Variants in STK3 observed in about 807,000 individuals in gnomAD.
The protein encoded by STK3 is serine/threonine kinase 3.
In STK3, 41 loss-of-function variants were observed where a neutral mutation model predicts 58.0. The observed-to-expected ratio is 0.71, with a 90% CI of 0.55 to 0.92. The LOEUF is 0.92. Among genes scored for constraint, STK3 ranks in the 40% least tolerant of loss-of-function variants. The pLI, the probability that STK3 is intolerant of heterozygous loss-of-function variation, is 0.00. For missense variants in STK3, 479 were observed against 602.7 expected (o/e 0.79, Z 2.15); for synonymous variants, 170 against 191.0 (o/e 0.89, Z 0.91).
chr8:98,794,720 C>A (rs1259257094), intron 1 of STK3, among the ~76,000 whole-genome samples: 2 of 152,016 alleles, frequency 1.3e-5, no homozygotes, highest in Non-Finnish European at 2.9e-5. Flanking sequence ...AAAAAGAAAA[C>A]TACAAACCAA....
chr8:98,594,445 C>T (rs1173477108), intron 7 of STK3, among the ~76,000 whole-genome samples: 1 of 151,718 alleles, frequency 6.6e-6, no homozygotes, highest in Non-Finnish European at 1.5e-5. Flanking sequence ...ACTAATAATA[C>T]AAAAATTAGC....
At chr8:98,384,568 A>G (rs1375177867) in intron 1 of STK3, among the ~76,000 whole-genome samples, 2 of 152,142 alleles carry the variant, frequency 1.3e-5, no homozygotes, top group African/African-American at 2.4e-5. Flanking sequence ...TACCTCCTAC[A>G]TGGGGAAGTT....
intron 3 of STK3, chr8:98,426,992 C>T (rs1408847134): frequency 6.7e-6 from 1 of 150,150 alleles, no homozygotes; most frequent in South Asian, 2.1e-4. Flanking sequence ...GCGGGCGCCC[C>T]GTCACACCCG....
intron 1 of STK3, among the ~76,000 whole-genome samples, chr8:98,445,469 A>G (rs1818899422): frequency 6.6e-6 from 1 of 152,212 alleles, no homozygotes; most frequent in Non-Finnish European, 1.5e-5. Context: ...ATTTCAACAC[A>G]TAATAAATAT....
chr8:98,905,768 G>T (rs1036300505), intron 1 of STK3: 1 of 441,100 alleles, frequency 2.3e-6, no homozygotes, highest in African/African-American at 2.0e-5. Flanking sequence ...AACTTCAGCC[G>T]AATTAAATTT....
chr8:98,469,095 G>A (rs1333747840), intron 10 of STK3, among the ~76,000 whole-genome samples: 1 of 148,310 alleles, frequency 6.7e-6, no homozygotes, highest in Non-Finnish European at 1.5e-5. Flanking sequence ...GTGACAGAGT[G>A]AGACTCCATC....
intron 10 of STK3, among the ~76,000 whole-genome samples, chr8:98,457,839 T>C (rs1241936154): frequency 1.3e-5 from 2 of 152,214 alleles, no homozygotes; most frequent in Non-Finnish European, 2.9e-5. Flanking sequence ...GTACTACTTT[T>C]ACTGGGGCAA....
intron 9 of STK3, among the ~76,000 whole-genome samples, chr8:98,543,937 C>T (rs553552046): frequency 3.9e-5 from 6 of 152,082 alleles, no homozygotes; most frequent in African/African-American, 1.4e-4. Context: ...CCAGGAGAGG[C>T]AGAAAAGACA....
intron 4 of STK3, among the ~76,000 whole-genome samples, chr8:98,714,556 C>A (rs563032204): frequency 6.6e-5 from 10 of 152,210 alleles, no homozygotes; most frequent in African/African-American, 2.4e-4. Flanking sequence ...AATAAAATGC[C>A]TAGGAATCCA....
chr8:98,596,242 T>C (rs1815817764), intron 6 of STK3, 73 bp from the exon 7 acceptor site: 5 of 1,475,652 alleles, frequency 3.4e-6, no homozygotes, highest in Non-Finnish European at 4.6e-6. Flanking sequence ...TCTCTTTATC[T>C]GTCTTTTTAT....
intron 1 of STK3, among the ~76,000 whole-genome samples, chr8:98,447,987 A>AATAATAATAAT (rs1438019056): frequency 1.5e-5 from 2 of 131,800 alleles, no homozygotes; most frequent in Non-Finnish European, 3.3e-5. Flanking sequence ...ATAATAATAA[A>AATAATAATAAT]GCAATATAAA....
intron 6 of STK3, among the ~76,000 whole-genome samples, chr8:98,680,981 C>CTTTTTTTTTTTTTTTTTTTTTTTT (rs371666746): frequency 8.0e-6 from 1 of 124,764 alleles, no homozygotes; most frequent in Non-Finnish European, 1.7e-5. Flanking sequence ...CCCCACCTTT[C>CTTTTTTTTTTTTTTTTTTTTTTTT]TTTTTTTTTT....
intron 6 of STK3, among the ~76,000 whole-genome samples, chr8:98,699,394 A>C (rs9772933): frequency 1.4e-5 from 2 of 146,032 alleles, no homozygotes; most frequent in Non-Finnish European, 1.5e-5. Flanking sequence ...GCTTTGTTCC[A>C]TTGCTGGTGA....
At chr8:98,453,080 G>GTTTTTTTTTTTT (rs919288019), downstream of STK3, among the ~76,000 whole-genome samples, 62 of 39,674 alleles carry the variant, frequency 1.6e-3, no homozygotes, top group South Asian at 2.8e-3. Context: ...TTTCTTTCTT[G>GTTTTTTTTTTTT]TTTTTTTTTT....
chr8:98,847,098 G>A (rs778545912), intron 3 of STK3, among the ~76,000 whole-genome samples: 1 of 152,118 alleles, frequency 6.6e-6, no homozygotes, highest in Non-Finnish European at 1.5e-5. Flanking sequence ...GCACAGTGGC[G>A]AGTACCTGTA....
At chr8:98,587,890 A>C (rs556137678) in intron 7 of STK3, among the ~76,000 whole-genome samples, 10 of 151,918 alleles carry the variant, frequency 6.6e-5, no homozygotes, top group South Asian at 2.1e-4. Flanking sequence ...GTTGGTTTAA[A>C]GTCTGTTTTA....
At chr8:98,746,443 C>G (rs1829647193) in intron 4 of STK3, among the ~76,000 whole-genome samples, 1 of 151,994 alleles carries the variant, frequency 6.6e-6, no homozygotes, top group Admixed American at 6.6e-5. Flanking sequence ...GAGACCCTAT[C>G]TCTTCAAAAA....
chr8:98,394,746 A>C (rs1817882686), intron 3 of STK3, among the ~76,000 whole-genome samples: 1 of 152,246 alleles, frequency 6.6e-6, no homozygotes, highest in African/African-American at 2.4e-5. Flanking sequence ...GAAAGTGAAG[A>C]GCACACCAAC....
chr8:98,830,701 T>TG (rs1410271343), intron 3 of STK3, among the ~76,000 whole-genome samples: 2 of 152,122 alleles, frequency 1.3e-5, no homozygotes, highest in Non-Finnish European at 2.9e-5. Context: ...CCAGGCGCGG[T>TG]GGCTCACGCC....
Sources: allele counts gnomAD v4.1 joint callset (sites outside exome capture counted in the v4.1 genomes callset), GRCh38; gene constraint gnomAD v4.1.1; transcripts MANE v1.5; gene names NCBI Gene and HGNC (gene_info 2026-07-23, HGNC 2026-07-21).